ITIH2: variants seen among roughly 807,000 people sequenced by gnomAD.
ITIH2 encodes the protein inter-alpha-trypsin inhibitor heavy chain H2.
In ITIH2, 103 loss-of-function variants were observed where a neutral mutation model predicts 104.4. The observed-to-expected ratio is 0.99, with a 90% CI of 0.84 to 1.16. The LOEUF is 1.16. ITIH2 is among the 50% of genes most tolerant of loss of function. ITIH2 has a pLI of 0.00. For missense variants in ITIH2, 1,108 were observed against 1,162.4 expected, an observed-to-expected ratio of 0.95 and a Z score of 0.68; for synonymous variants, 436 against 435.4, an observed-to-expected ratio of 1.00 and a Z score of -0.02.
intron 4 of ITIH2, among the ~76,000 whole-genome samples, chr10:7,710,627 G>C (rs970861678): frequency 6.6e-6 from 1 of 152,118 alleles, no homozygotes; most frequent in Non-Finnish European, 1.5e-5. Flanking sequence ...ATAGTAAAGG[G>C]TTCAACCACC....
chr10:7,728,353 T>G (rs1044565435), intron 11 of ITIH2, among the ~76,000 whole-genome samples: 4 of 152,100 alleles, frequency 2.6e-5, no homozygotes, highest in Admixed American at 1.3e-4. Flanking sequence ...CCTACTTCTA[T>G]TATTTATTTT....
chr10:7,732,731 A>C lies in ITIH2; in HGVS notation c.1787+254A>C, dbSNP rs185686753. The stretch of plus-strand genomic sequence containing the variant: ...TTTTTAATTTTTATTTTATTTATTT[A>C]TTTTTATTTTTTTTGAGGCAGAGTC... On this transcript the variant is annotated intron_variant, in intron 14 of 20. Transcript: ENST00000358415. Among the ~76,000 whole-genome samples, 82 of 151,846 alleles carry C rather than the reference A, an allele frequency of 5.4e-4. No homozygotes were observed. The East Asian group carries it at 0.014, about 25-fold the overall frequency.
intron 3 of ITIH2, among the ~76,000 whole-genome samples, chr10:7,708,187 T>C (rs1471503545): frequency 2.6e-5 from 4 of 152,236 alleles, no homozygotes; most frequent in African/African-American, 9.6e-5. Context: ...AGACCTGGTA[T>C]TGAGATAAGT....
chr10:7,738,361 G>C (rs900819619), intron 15 of ITIH2, among the ~76,000 whole-genome samples: 2 of 145,032 alleles, frequency 1.4e-5, no homozygotes, highest in East Asian at 2.0e-4. Flanking sequence ...TGGAGTCACG[G>C]GGCCCTTCCC....
intron 12 of ITIH2, 24 bp from the exon 13 acceptor site, chr10:7,731,787 T>C: frequency 2.0e-6 from 3 of 1,504,302 alleles, no homozygotes; most frequent in Non-Finnish European, 2.7e-6. Flanking sequence ...ACATAATTTC[T>C]CTCTCTCTCT....
chr10:7,742,128 G>C (rs1329178673), intron 16 of ITIH2, among the ~76,000 whole-genome samples: 1 of 152,096 alleles, frequency 6.6e-6, no homozygotes, highest in Non-Finnish European at 1.5e-5. Context: ...TGAAGTTACT[G>C]ACCATGACTT....
chr10:7,746,318 T>C (rs1447073385), intron 19 of ITIH2, among the ~76,000 whole-genome samples: 6 of 151,558 alleles, frequency 4.0e-5, no homozygotes, highest in Non-Finnish European at 7.4e-5. Flanking sequence ...GAGGTTGCAG[T>C]GAGCCGAGAT....
chr10:7,705,838 CT>C (rs1264592135), intron 2 of ITIH2, among the ~76,000 whole-genome samples: 1 of 152,186 alleles, frequency 6.6e-6, no homozygotes, highest in Non-Finnish European at 1.5e-5. Context: ...GACACTCCCC[CT>C]TGCAGCCTCA....
chr10:7,727,777 C>T lies in ITIH2; in HGVS notation c.1228C>T (p.Pro410Ser). Residue 410 changes from proline (P) to serine (S), a missense_variant, in exon 11 of 21, where the codon CCC becomes TCC. Coordinates refer to ENST00000358415, the MANE Select transcript of ITIH2 (RefSeq NM_002216.3). ...NEANNLGLLDPNSVSLIILVS... is the reference protein window; with the variant it reads ...NEANNLGLLDSNSVSLIILVS... ...AGCCAATAACTTGGGACTGTTAGAC[C>T]CCAACTCCGTCTCGCTGATCATTTT... 1 of 1,614,098 alleles carries T rather than the reference C, an allele frequency of 6.2e-7. No homozygotes were observed. The highest frequency in any genetic ancestry group is 8.5e-7 in the Non-Finnish European group (1 of 1,179,968).
chr10:7,704,174 A>G (rs1834723439), intron 1 of ITIH2, among the ~76,000 whole-genome samples: 1 of 152,254 alleles, frequency 6.6e-6, no homozygotes, highest in Non-Finnish European at 1.5e-5. Context: ...TACAAGAGCT[A>G]TTTTTATGCC....
intron 11 of ITIH2, 121 bp downstream of exon 11, chr10:7,727,949 A>T: frequency 8.6e-7 from 1 of 1,169,394 alleles, no homozygotes; most frequent in Non-Finnish European, 1.2e-6. Flanking sequence ...TTTTAAACCC[A>T]TGCTTCCTAA....
intron 5 of ITIH2, among the ~76,000 whole-genome samples, chr10:7,714,419 G>T (rs987367909): frequency 6.6e-6 from 1 of 151,906 alleles, no homozygotes; most frequent in Non-Finnish European, 1.5e-5. Flanking sequence ...TGATCCGCCC[G>T]CCTCGGCCTC....
At chr10:7,748,148 G>A (rs1835197264) in intron 20 of ITIH2, among the ~76,000 whole-genome samples, 1 of 150,828 alleles carries the variant, frequency 6.6e-6, no homozygotes, top group Non-Finnish European at 1.5e-5. Flanking sequence ...GGCAGAGGTT[G>A]CAGTGAGCAG....
chr10:7,746,067 T>TAAAAAAAAAAA (rs1564308527), intron 19 of ITIH2, among the ~76,000 whole-genome samples: 1 of 51,092 alleles, frequency 2.0e-5, no homozygotes, highest in African/African-American at 9.1e-5. Context: ...AATCTTAAAT[T>TAAAAAAAAAAA]TAAAAAAAAA....
At chr10:7,734,264 G>A (rs764863405) in intron 14 of ITIH2, among the ~76,000 whole-genome samples, 3 of 152,226 alleles carry the variant, frequency 2.0e-5, no homozygotes, top group Admixed American at 6.5e-5. Context: ...CCACTCTGAT[G>A]TGGGATGGAT....
rs143470669 is a variant in ITIH2, at chr10:7,727,588, G to A, written c.1154-115G>A. 6.0e-3 allele frequency: 7,335 copies of A among 1,220,180 alleles called. 45 individuals carry two copies. The highest frequency in any genetic ancestry group is 9.1e-3 in the South Asian group (634 of 69,962). 75.6% of individuals were successfully genotyped at this position (1,220,180 alleles called of 1,614,324 possible). A position where few individuals can be genotyped will look rare whatever the true frequency, so the allele number is the denominator to read the frequency against. ...CTCAGAAAGCAATGAAATGATTTTGGCATGGAATAAGTGATGGATAAGTGA... is the reference window on the plus strand; with the variant it reads ...CTCAGAAAGCAATGAAATGATTTTGACATGGAATAAGTGATGGATAAGTGA... On this transcript the variant is annotated intron_variant, in intron 10 of 20. Transcript: ENST00000358415.
At chr10:7,705,535 A>G (rs911596954) in intron 2 of ITIH2, among the ~76,000 whole-genome samples, 1 of 151,788 alleles carries the variant, frequency 6.6e-6, no homozygotes, top group African/African-American at 2.4e-5. Context: ...GTGAGGCTCT[A>G]CCTCTGCCAC....
intron 6 of ITIH2, 142 bp from the exon 7 acceptor site, chr10:7,720,714 C>A: frequency 1.8e-6 from 1 of 554,750 alleles, no homozygotes. Flanking sequence ...ACTTGCAGAT[C>A]CTGCAGGAGA....
At chr10:7,741,368 C>T (rs549733414) in intron 16 of ITIH2, among the ~76,000 whole-genome samples, 17 of 151,810 alleles carry the variant, frequency 1.1e-4, no homozygotes, top group South Asian at 1.0e-3. Context: ...TTAGTAGAGG[C>T]GGGGTTTCAC....
Sources: gnomAD v4.1 joint callset for allele counts (sites outside exome capture counted in the v4.1 genomes callset) on GRCh38, gnomAD v4.1.1 for gene constraint, MANE v1.5 for transcripts, NCBI Gene and HGNC (gene_info 2026-07-23, HGNC 2026-07-21) for gene names.